The following GRIN2B variants were observed in gnomAD, a reference collection of about 807,000 sequenced individuals.
GRIN2B encodes the protein glutamate ionotropic receptor NMDA type subunit 2B.
A neutral mutation model predicts 114.5 loss-of-function variants in GRIN2B; 5 were observed. The ratio of observed to expected loss-of-function variants is 0.04; its 90% CI spans 0.02 to 0.09. The LOEUF (loss-of-function observed/expected upper bound fraction) is 0.09. GRIN2B is among the 10% of genes least tolerant of loss of function. GRIN2B has a pLI of 1.00. For synonymous variants in GRIN2B, 787 were observed against 745.1 expected, an observed-to-expected ratio of 1.06 and a Z score of -0.92; for missense variants, 1,108 against 1,943.5, an observed-to-expected ratio of 0.57 and a Z score of 8.08.
chr12:13,694,460 A>T (rs1223464675), intron 4 of GRIN2B, among the ~76,000 whole-genome samples: 1 of 151,834 alleles, frequency 6.6e-6, no homozygotes, highest in Non-Finnish European at 1.5e-5. Flanking sequence ...ATTGTGTTAC[A>T]GGTGTCTTAT....
At chr12:13,928,484 T>A (rs548968574) in intron 2 of GRIN2B, among the ~76,000 whole-genome samples, 12 of 152,094 alleles carry the variant, frequency 7.9e-5, no homozygotes, top group Non-Finnish European at 1.6e-4. Context: ...TGTGATGAAA[T>A]CAGATTATGT....
chr12:13,574,752 G>T (rs1354440253), intron 10 of GRIN2B, among the ~76,000 whole-genome samples: 1 of 152,048 alleles, frequency 6.6e-6, no homozygotes, highest in African/African-American at 2.4e-5. Context: ...AAAAGCTAAA[G>T]AAATGATAAA....
intron 10 of GRIN2B, among the ~76,000 whole-genome samples, chr12:13,604,578 T>A (rs554829551): frequency 1.3e-5 from 2 of 152,212 alleles, no homozygotes; most frequent in Non-Finnish European, 2.9e-5. Flanking sequence ...TCTAATCACA[T>A]TGGAAAATAA....
intron 3 of GRIN2B, among the ~76,000 whole-genome samples, chr12:13,855,671 G>A (rs1865648421): frequency 6.6e-6 from 1 of 151,940 alleles, no homozygotes; most frequent in Admixed American, 6.6e-5. Flanking sequence ...CCTCTTCTGT[G>A]TCTTATAAGG....
At chr12:13,769,777 G>A (rs1188945946) in intron 3 of GRIN2B, among the ~76,000 whole-genome samples, 2 of 152,218 alleles carry the variant, frequency 1.3e-5, no homozygotes, top group African/African-American at 4.8e-5. Context: ...GCAGGTAGAT[G>A]GGGGCTGGTA....
At chr12:13,680,064 A>G (rs1314776983) in intron 4 of GRIN2B, among the ~76,000 whole-genome samples, 1 of 152,182 alleles carries the variant, frequency 6.6e-6, no homozygotes, top group African/African-American at 2.4e-5. Flanking sequence ...TAAGTGTGAT[A>G]ACCACATTTT....
chr12:13,813,667 T>A (rs1322857618), intron 3 of GRIN2B, among the ~76,000 whole-genome samples: 1 of 152,204 alleles, frequency 6.6e-6, no homozygotes, highest in Admixed American at 6.5e-5. Flanking sequence ...TTGCCAGAGG[T>A]CATTTATACA....
At chr12:13,870,252 G>A (rs904897601) in intron 2 of GRIN2B, among the ~76,000 whole-genome samples, 20 of 152,158 alleles carry the variant, frequency 1.3e-4, no homozygotes, top group African/African-American at 4.8e-4. Context: ...TCAGGCCAGG[G>A]CCAGTATTGG....
At chr12:13,611,615 T>C (rs1949366398) in intron 9 of GRIN2B, 110 bp downstream of exon 9, 3 of 1,123,240 alleles carry the variant, frequency 2.7e-6, no homozygotes, top group Non-Finnish European at 4.1e-6. Flanking sequence ...GAGGGTTCCT[T>C]TTCAGAAATG....
chr12:13,979,985 G>A lies in GRIN2B; in HGVS notation c.-76C>T, dbSNP rs1187023831. On this transcript the variant is annotated 5_prime_UTR_variant, in exon 2 of 14. Coordinates refer to ENST00000609686, the MANE Select transcript of GRIN2B (RefSeq NM_000834.5). ...CAGATTAAGGGAGTGAGCATGTTGG[G>A]AATGTCCAGTCCCTTCTTCTCGCTT... 6.6e-6 allele frequency: 1 copy of A among 152,136 alleles called. No individual in the cohort carries two copies. Among genetic ancestry groups the A allele is most frequent in the Non-Finnish European group, 1.5e-5 (1 of 68,036 alleles). 9.4% of individuals were successfully genotyped at this position (152,136 alleles called of 1,614,324 possible).
intron 4 of GRIN2B, among the ~76,000 whole-genome samples, chr12:13,742,882 T>C (rs1863310301): frequency 1.3e-5 from 2 of 152,314 alleles, no homozygotes; most frequent in African/African-American, 4.8e-5. Flanking sequence ...GGGAATTTCC[T>C]AAACAGGGAA....
intron 3 of GRIN2B, among the ~76,000 whole-genome samples, chr12:13,754,788 T>C (rs1805547): frequency 0.37 from 55,730 of 151,942 alleles, 11,403 homozygotes; most frequent in East Asian, 0.65. Flanking sequence ...CCACAGGTCT[T>C]GGTTTGACCT....
At position 13,616,730 on chromosome 12, in the gene GRIN2B, T is replaced by C. The variant is rs1805199; in HGVS notation, c.1126-73A>G. ...ACAAACAGCCTGTCCCAGTATTGTC[T>C]GAACAATCCCAGGAAGCAGTTGAAC... On this transcript the variant is annotated intron_variant, in intron 5 of 13. Coordinates refer to ENST00000609686, the MANE Select transcript of GRIN2B (RefSeq NM_000834.5). 0.82 allele frequency: 970,307 copies of C among 1,189,670 alleles called. 398,972 individuals are homozygous for C. Among genetic ancestry groups the C allele is most frequent in the East Asian group, 0.99 (42,599 of 43,012 alleles). 73.7% of individuals were successfully genotyped at this position (1,189,670 alleles called of 1,614,324 possible).
At chr12:13,896,574 C>CA (rs1209197262) in intron 2 of GRIN2B, among the ~76,000 whole-genome samples, 5 of 152,172 alleles carry the variant, frequency 3.3e-5, no homozygotes, top group African/African-American at 1.2e-4. Flanking sequence ...AACTACATGG[C>CA]AATGATCTCC....
intron 5 of GRIN2B, among the ~76,000 whole-genome samples, chr12:13,619,365 A>G (rs1949488549): frequency 6.6e-6 from 1 of 152,242 alleles, no homozygotes; most frequent in African/African-American, 2.4e-5. Flanking sequence ...GACATACATC[A>G]TCTAGCATAT....
At chr12:13,598,521 C>T (rs1949106000) in intron 10 of GRIN2B, among the ~76,000 whole-genome samples, 1 of 152,148 alleles carries the variant, frequency 6.6e-6, no homozygotes, top group African/African-American at 2.4e-5. Context: ...ATTCTAACTG[C>T]AGGGGGTGGA....
At chr12:13,599,782 G>A (rs1425528305) in intron 10 of GRIN2B, among the ~76,000 whole-genome samples, 2 of 152,178 alleles carry the variant, frequency 1.3e-5, no homozygotes, top group African/African-American at 4.8e-5. Context: ...GAAATTTGGT[G>A]GGAATCCTCA....
chr12:13,591,132 T>C (rs1329269784), intron 10 of GRIN2B, among the ~76,000 whole-genome samples: 2 of 152,068 alleles, frequency 1.3e-5, no homozygotes, highest in Non-Finnish European at 2.9e-5. Context: ...TTCCACATCT[T>C]TTTTAGCCCT....
At chr12:13,937,735 G>T (rs1371758495) in intron 2 of GRIN2B, among the ~76,000 whole-genome samples, 1 of 152,078 alleles carries the variant, frequency 6.6e-6, no homozygotes, top group Admixed American at 6.6e-5. Flanking sequence ...ATTTACAGAA[G>T]ATAACACTGT....
Sources: gnomAD v4.1 joint callset for allele counts (sites outside exome capture counted in the v4.1 genomes callset) on GRCh38, gnomAD v4.1.1 for gene constraint, MANE v1.5 for transcripts, NCBI Gene and HGNC (gene_info 2026-07-23, HGNC 2026-07-21) for gene names.